Variants in NIBAN1 observed in about 807,000 individuals in gnomAD.
NIBAN1 encodes protein Niban 1.
In NIBAN1, 81 loss-of-function variants were observed where a neutral mutation model predicts 75.1. That is an observed-to-expected ratio of 1.08 (90% confidence interval 0.90 to 1.30). The LOEUF is 1.30. Among genes scored for constraint, NIBAN1 ranks in the 50% most tolerant of loss-of-function variants. NIBAN1 has a pLI of 0.00. For synonymous variants in NIBAN1, 436 were observed against 424.8 expected, an observed-to-expected ratio of 1.03 and a Z score of -0.32; for missense variants, 1,133 against 1,128.1, an observed-to-expected ratio of 1.00 and a Z score of -0.06.
At chr1:184,974,002 G>A (rs886360251) in intron 1 of NIBAN1, among the ~76,000 whole-genome samples, 3 of 152,214 alleles carry the variant, frequency 2.0e-5, no homozygotes, top group Non-Finnish European at 2.9e-5. Context: ...ACTGGAGGGC[G>A]AAGTGCGCCG....
At chr1:184,872,380 G>C (rs953192140) in intron 5 of NIBAN1, among the ~76,000 whole-genome samples, 1 of 151,874 alleles carries the variant, frequency 6.6e-6, no homozygotes, top group African/African-American at 2.4e-5. Flanking sequence ...GAAAAAAAAA[G>C]AGAGAAAAAA....
At chr1:184,832,983 GA>G (rs1463063565) in intron 5 of NIBAN1, among the ~76,000 whole-genome samples, 4 of 152,008 alleles carry the variant, frequency 2.6e-5, no homozygotes, top group Admixed American at 1.3e-4. Context: ...TCAAGCCTTA[GA>G]AAGGGGAAAT....
At position 184,803,617 on chromosome 1, in the gene NIBAN1, C is replaced by T; in HGVS notation, c.1522G>A (p.Val508Met). The T allele has an allele frequency of 4.3e-6, 7 of 1,614,186 alleles. No individual in the cohort carries two copies. Among genetic ancestry groups the T allele is most frequent in the African/African-American group, 2.7e-5 (2 of 75,060 alleles). The part of the protein sequence containing the change: ...EALVQITLPT[V>M]QKALASTCKP... ...CATGTGGACGCCAGTGCCTTCTGCA[C>T]AGTGGGAAGTGTGATTTGAACTAGT... Residue 508 changes from valine to methionine, a missense_variant, in exon 12 of 14, where the codon GTG (valine) becomes ATG (methionine). Physicochemically the swap from Val to Met is conservative, Grantham distance 21. Coordinates refer to ENST00000367511, the MANE Select transcript of NIBAN1 (RefSeq NM_052966.4).
At chr1:184,956,510 G>C (rs746197595) in intron 1 of NIBAN1, among the ~76,000 whole-genome samples, 4 of 152,120 alleles carry the variant, frequency 2.6e-5, no homozygotes, top group Non-Finnish European at 4.4e-5. Context: ...CACCAATAGA[G>C]CTCACAGATG....
rs1334738885 is a variant in NIBAN1 at position 184,798,956 on chromosome 1, CA to C, written c.1555-767del. 3.9e-5 allele frequency among the ~76,000 whole-genome samples: 6 copies of C among 152,146 alleles called. No individual in the cohort carries two copies. The South Asian group carries it at 1.2e-3, about 32-fold the overall frequency. ...AAGTAGTATTCATTATATGGATAAA[CA>C]AAAATTGTTTATCTGCACTCAGGTT... On this transcript the variant is annotated intron_variant, in intron 12 of 13. Coordinates refer to ENST00000367511, the MANE Select transcript of NIBAN1 (RefSeq NM_052966.4).
chr1:184,818,557 G>A, intron 9 of NIBAN1, 81 bp downstream of exon 9: 1 of 1,301,562 alleles, frequency 7.7e-7, no homozygotes, highest in South Asian at 1.7e-5. Context: ...GAGGAAGGGA[G>A]GGAGAAATGG....
intron 1 of NIBAN1, among the ~76,000 whole-genome samples, chr1:184,906,344 C>T (rs887230814): frequency 1.3e-5 from 2 of 151,810 alleles, no homozygotes; most frequent in Non-Finnish European, 2.9e-5. Flanking sequence ...AAATATCAGA[C>T]TCTTGGCTGG....
chr1:184,944,683 G>T (rs1421552673), intron 1 of NIBAN1, among the ~76,000 whole-genome samples: 2 of 152,182 alleles, frequency 1.3e-5, no homozygotes, highest in South Asian at 4.1e-4. Context: ...TTGTCATAAA[G>T]GTCTGCAGTA....
chr1:184,932,283 G>A (rs573124402), intron 1 of NIBAN1, among the ~76,000 whole-genome samples: 35 of 152,184 alleles, frequency 2.3e-4, no homozygotes, highest in African/African-American at 8.4e-4. Context: ...AAGTAATTTT[G>A]CAACTCACCA....
chr1:184,969,650 G>A (rs1217842266), intron 1 of NIBAN1, among the ~76,000 whole-genome samples: 1 of 151,816 alleles, frequency 6.6e-6, no homozygotes, highest in Non-Finnish European at 1.5e-5. Flanking sequence ...CTTAAATGGG[G>A]CTAGTGTCTC....
At chr1:184,909,038 T>A (rs2102002088) in intron 1 of NIBAN1, among the ~76,000 whole-genome samples, 1 of 152,284 alleles carries the variant, frequency 6.6e-6, no homozygotes, top group South Asian at 2.1e-4. Context: ...AATAATGAGA[T>A]TCCCTTTGCT....
At chr1:184,950,444 A>G (rs1658333100) in intron 1 of NIBAN1, among the ~76,000 whole-genome samples, 1 of 152,204 alleles carries the variant, frequency 6.6e-6, no homozygotes, top group South Asian at 2.1e-4. Flanking sequence ...TCATTCTCCT[A>G]ATATGTAACA....
At chr1:184,920,918 G>A (rs183296104) in intron 1 of NIBAN1, among the ~76,000 whole-genome samples, 1 of 152,240 alleles carries the variant, frequency 6.6e-6, no homozygotes, top group East Asian at 1.9e-4. Context: ...TGGATCACCT[G>A]AGGTCAGGAG....
At chr1:184,914,099 C>T (rs985611753) in intron 1 of NIBAN1, among the ~76,000 whole-genome samples, 1 of 152,214 alleles carries the variant, frequency 6.6e-6, no homozygotes, top group African/African-American at 2.4e-5. Context: ...TCAATCCTTT[C>T]CCTCAAGCTG....
chr1:184,876,769 A>C (rs113264519), intron 5 of NIBAN1, among the ~76,000 whole-genome samples: 14 of 152,192 alleles, frequency 9.2e-5, no homozygotes, highest in Non-Finnish European at 1.9e-4. Context: ...TCTTCTCACA[A>C]AGAGAACACC....
intron 5 of NIBAN1, among the ~76,000 whole-genome samples, chr1:184,881,001 A>T (rs1656362610): frequency 6.6e-6 from 1 of 152,112 alleles, no homozygotes; most frequent in South Asian, 2.1e-4. Context: ...GGGATGTTTT[A>T]CTAAGGATTA....
chr1:184,869,930 A>G (rs1395983281), intron 5 of NIBAN1, among the ~76,000 whole-genome samples: 1 of 152,214 alleles, frequency 6.6e-6, no homozygotes, highest in African/African-American at 2.4e-5. Flanking sequence ...TACCAGTAAT[A>G]CAATTTGAGA....
intron 5 of NIBAN1, among the ~76,000 whole-genome samples, chr1:184,836,711 A>T (rs1011990955): frequency 1.3e-5 from 2 of 152,206 alleles, no homozygotes; most frequent in African/African-American, 4.8e-5. Context: ...AATTATAGTC[A>T]TCCAACAACG....
chr1:184,819,432 G>A (rs1467039131), intron 8 of NIBAN1, among the ~76,000 whole-genome samples: 1 of 151,996 alleles, frequency 6.6e-6, no homozygotes, highest in African/African-American at 2.4e-5. Context: ...CAAAAATGTA[G>A]AATACATTTT....
Sources: allele counts gnomAD v4.1 joint callset (sites outside exome capture counted in the v4.1 genomes callset), GRCh38; gene constraint gnomAD v4.1.1; transcripts MANE v1.5; gene names NCBI Gene and HGNC (gene_info 2026-07-23, HGNC 2026-07-21).